The following SEMA3E variants were observed in gnomAD, a reference collection of about 807,000 sequenced individuals.
SEMA3E encodes semaphorin 3E.
A neutral mutation model predicts 93.6 loss-of-function variants in SEMA3E; 49 were observed. That is an observed-to-expected ratio of 0.52 (90% confidence interval 0.42 to 0.66). The LOEUF (loss-of-function observed/expected upper bound fraction) is 0.66, where lower values mean the gene tolerates loss of function less well. SEMA3E is among the 30% of genes least tolerant of loss of function. The probability of loss-of-function intolerance (pLI) is 0.00; values close to 1 mark genes in which losing one functional copy is unlikely to be tolerated. For synonymous variants in SEMA3E, 363 were observed against 330.7 expected, an observed-to-expected ratio of 1.10 and a Z score of -1.06; for missense variants, 906 against 964.8, an observed-to-expected ratio of 0.94 and a Z score of 0.81.
At chr7:83,396,362 C>A (rs1258048885) in intron 12 of SEMA3E, among the ~76,000 whole-genome samples, 1 of 152,062 alleles carries the variant, frequency 6.6e-6, no homozygotes, top group East Asian at 1.9e-4. Context: ...GTAATACTGG[C>A]TCTGAAAATT....
intron 1 of SEMA3E, among the ~76,000 whole-genome samples, chr7:83,603,579 G>C (rs1261297734): frequency 2.0e-5 from 3 of 152,050 alleles, no homozygotes; most frequent in African/African-American, 7.2e-5. Flanking sequence ...TTATTAAGAA[G>C]ATGAGAAAGT....
chr7:83,399,161 G>C (rs541270186), intron 11 of SEMA3E, among the ~76,000 whole-genome samples: 267 of 152,170 alleles, frequency 1.8e-3, no homozygotes, highest in African/African-American at 6.1e-3. Context: ...ATCAACTACT[G>C]TAGCAATTAT....
intron 2 of SEMA3E, among the ~76,000 whole-genome samples, chr7:83,483,857 C>T (rs1790197501): frequency 6.6e-6 from 1 of 152,132 alleles, no homozygotes; most frequent in Admixed American, 6.5e-5. Flanking sequence ...TATTTATCTT[C>T]CCTGAAGAGA....
chr7:83,520,328 C>T (rs1176648033), intron 1 of SEMA3E, among the ~76,000 whole-genome samples: 2 of 152,078 alleles, frequency 1.3e-5, no homozygotes, highest in African/African-American at 4.8e-5. Context: ...AGTTACTGAG[C>T]TCCTTCCAAG....
intron 1 of SEMA3E, among the ~76,000 whole-genome samples, chr7:83,534,336 T>A (rs1791365914): frequency 1.3e-5 from 2 of 152,026 alleles, no homozygotes; most frequent in Non-Finnish European, 1.5e-5. Flanking sequence ...TGTAGATAAC[T>A]TTGGGAAGCA....
intron 4 of SEMA3E, among the ~76,000 whole-genome samples, chr7:83,418,877 G>T (rs1474768252): frequency 9.2e-6 from 1 of 108,342 alleles, no homozygotes; most frequent in Non-Finnish European, 2.2e-5. Context: ...CAAGAATGCT[G>T]TTGTTGATTT....
At position 83,442,482 on chromosome 7, in the gene SEMA3E, A is replaced by T. The variant is rs529163338; in HGVS notation, c.457-23999T>A. Reference sequence around the variant, plus strand: ...TTTTATACTCTCACATATTTAGCCAATGTAAATTTCTATTATCTCAACAGT... The same window carrying T: ...TTTTATACTCTCACATATTTAGCCATTGTAAATTTCTATTATCTCAACAGT... On this transcript the variant is annotated intron_variant, in intron 4 of 16. Transcript: ENST00000643230. Among the ~76,000 whole-genome samples, 11 of 152,310 alleles carry T rather than the reference A, an allele frequency of 7.2e-5. No individual in the cohort carries two copies. In the South Asian group the frequency reaches 2.1e-3, roughly 29 times the overall value.
chr7:83,583,229 T>C (rs556136023), intron 1 of SEMA3E, among the ~76,000 whole-genome samples: 2 of 152,276 alleles, frequency 1.3e-5, no homozygotes, highest in East Asian at 3.9e-4. Flanking sequence ...TTTTTTAAGT[T>C]GATACATAAT....
intron 1 of SEMA3E, among the ~76,000 whole-genome samples, chr7:83,637,481 AC>A (rs1425479207): frequency 6.6e-6 from 1 of 152,092 alleles, no homozygotes; most frequent in Non-Finnish European, 1.5e-5. Context: ...CTGTGTCCCC[AC>A]CCAAATCTCA....
At chr7:83,570,226 TAAG>T (rs1182343148) in intron 1 of SEMA3E, among the ~76,000 whole-genome samples, 1 of 152,168 alleles carries the variant, frequency 6.6e-6, no homozygotes, top group Non-Finnish European at 1.5e-5. Flanking sequence ...AACGCAGCGT[TAAG>T]AAGAAAGTTC....
chr7:83,518,041 G>T (rs1790968965), intron 1 of SEMA3E, among the ~76,000 whole-genome samples: 2 of 152,154 alleles, frequency 1.3e-5, no homozygotes, highest in Non-Finnish European at 2.9e-5. Flanking sequence ...AAACATGTCT[G>T]TGTGTGGAGG....
At chr7:83,505,437 C>A (rs1273887134) in intron 1 of SEMA3E, among the ~76,000 whole-genome samples, 1 of 152,086 alleles carries the variant, frequency 6.6e-6, no homozygotes, top group African/African-American at 2.4e-5. Flanking sequence ...AATCAAGATA[C>A]CTGTTTTGTT....
At chr7:83,565,360 A>C (rs1792122892) in intron 1 of SEMA3E, among the ~76,000 whole-genome samples, 1 of 152,130 alleles carries the variant, frequency 6.6e-6, no homozygotes, top group African/African-American at 2.4e-5. Context: ...ACGTGGACAC[A>C]GGGAGGGGAA....
At chr7:83,629,750 A>T (rs1231435290) in intron 1 of SEMA3E, among the ~76,000 whole-genome samples, 3 of 152,140 alleles carry the variant, frequency 2.0e-5, no homozygotes, top group Non-Finnish European at 1.5e-5. Flanking sequence ...TCCACTGAGC[A>T]AGACTACTTG....
chr7:83,380,289 AAAATTTTTTC>A (rs1432684417), intron 16 of SEMA3E, among the ~76,000 whole-genome samples: 1 of 151,984 alleles, frequency 6.6e-6, no homozygotes, highest in East Asian at 1.9e-4. Flanking sequence ...CATGTGGCAC[AAAATTTTTTC>A]AATAACTATT....
intron 1 of SEMA3E, among the ~76,000 whole-genome samples, chr7:83,506,073 G>A (rs892278165): frequency 6.9e-6 from 1 of 145,920 alleles, no homozygotes; most frequent in Non-Finnish European, 1.5e-5. Context: ...TTCTTGTGAA[G>A]CTGTCAGAAA....
chr7:83,437,759 T>C (rs1450898326), intron 4 of SEMA3E, among the ~76,000 whole-genome samples: 1 of 152,168 alleles, frequency 6.6e-6, no homozygotes, highest in East Asian at 1.9e-4. Flanking sequence ...CTTGGAGAAG[T>C]GGCTGACCTC....
chr7:83,629,196 G>A (rs913956395), intron 1 of SEMA3E, among the ~76,000 whole-genome samples: 2 of 152,176 alleles, frequency 1.3e-5, no homozygotes, highest in African/African-American at 4.8e-5. Flanking sequence ...TCTGAGAGGG[G>A]CACCTGCCAG....
Position 83,448,512 on chromosome 7 carries a change from A to C in SEMA3E, c.456+17970T>G, listed in dbSNP as rs1328226599. ...GGGCAACAGAGTGAGACCCTATTCTAAAACAAAAACAAAACAAAACAAAAT... is the reference window on the plus strand; with the variant it reads ...GGGCAACAGAGTGAGACCCTATTCTCAAACAAAAACAAAACAAAACAAAAT... On this transcript the variant is annotated intron_variant, in intron 4 of 16. Transcript: ENST00000643230. 1.3e-5 allele frequency among the ~76,000 whole-genome samples: 2 copies of C among 152,140 alleles called. 1 individual carries two copies. The highest frequency in any genetic ancestry group is 6.3e-3 in the Middle Eastern group (2 of 316).
Sources: gnomAD v4.1 joint callset for allele counts (sites outside exome capture counted in the v4.1 genomes callset) on GRCh38, gnomAD v4.1.1 for gene constraint, MANE v1.5 for transcripts, NCBI Gene and HGNC (gene_info 2026-07-23, HGNC 2026-07-21) for gene names.